Variants in CCDC170 observed in about 807,000 individuals in gnomAD.
CCDC170 encodes the protein coiled-coil domain containing 170.
CCDC170 carries 69 observed loss-of-function variants against 72.6 expected under a neutral mutation model. The observed-to-expected ratio is 0.95, with a 90% CI of 0.78 to 1.16. CCDC170 has a LOEUF of 1.16. Ranked by LOEUF, CCDC170 falls within the 50% of genes most tolerant of loss-of-function variation. The pLI, the probability that CCDC170 is intolerant of heterozygous loss-of-function variation, is 0.00. For missense variants in CCDC170, 852 were observed against 832.5 expected (o/e 1.02, Z -0.29); for synonymous variants, 300 against 303.9 (o/e 0.99, Z 0.13).
chr6:151,576,725 A>AC (rs1351872383), intron 6 of CCDC170, among the ~76,000 whole-genome samples: 1 of 152,162 alleles, frequency 6.6e-6, no homozygotes, highest in East Asian at 1.9e-4. Flanking sequence ...ATCTTCACGT[A>AC]AAATCAGGAG....
Position 151,522,665 on chromosome 6 carries a change from C to T in CCDC170, c.58-13653C>T, listed in dbSNP as rs536412303. On this transcript the variant is annotated intron_variant, in intron 1 of 10. Transcript: ENST00000239374. ...CCTTACCCTCCCTTGTCCAAGTGTG[C>T]GCTCACCATTGCTCCGTCTTTAAGG... Among the ~76,000 whole-genome samples the T allele has an allele frequency of 5.3e-5, 8 of 152,306 alleles. No homozygotes were observed. The East Asian group carries it at 1.3e-3, about 26-fold the overall frequency.
intron 4 of CCDC170, among the ~76,000 whole-genome samples, chr6:151,545,190 C>A (rs1210601636): frequency 1.3e-5 from 2 of 152,070 alleles, no homozygotes; most frequent in Non-Finnish European, 2.9e-5. Flanking sequence ...GAGGCTCAGG[C>A]GGGCAGATCA....
chr6:151,509,193 C>T (rs531306958), intron 1 of CCDC170, among the ~76,000 whole-genome samples: 18 of 151,040 alleles, frequency 1.2e-4, no homozygotes, highest in South Asian at 2.1e-4. Context: ...TCCCCCCTTT[C>T]GCTCTCTCTG....
intron 1 of CCDC170, among the ~76,000 whole-genome samples, 198 bp downstream of exon 1, chr6:151,494,383 G>T (rs1781879196): frequency 6.6e-6 from 1 of 152,210 alleles, no homozygotes; most frequent in Non-Finnish European, 1.5e-5. Context: ...ACCGGAGTTT[G>T]CGGAGCGCGT....
chr6:151,527,822 T>C (rs1297500919), intron 1 of CCDC170, among the ~76,000 whole-genome samples: 1 of 152,096 alleles, frequency 6.6e-6, no homozygotes, highest in Non-Finnish European at 1.5e-5. Context: ...GTAGATTGGT[T>C]ATGGGATAGA....
intron 1 of CCDC170, among the ~76,000 whole-genome samples, chr6:151,536,105 G>A (rs1023051743): frequency 6.6e-6 from 1 of 152,124 alleles, no homozygotes; most frequent in Non-Finnish European, 1.5e-5. Flanking sequence ...TCCTGGAGGA[G>A]CACATCATTT....
chr6:151,531,690 G>T (rs116347685), intron 1 of CCDC170, among the ~76,000 whole-genome samples: 2 of 152,198 alleles, frequency 1.3e-5, no homozygotes, highest in Admixed American at 6.5e-5. Context: ...AGACTGGGTA[G>T]TTTATAAAGG....
chr6:151,553,825 A>G (rs1333044105), intron 5 of CCDC170, among the ~76,000 whole-genome samples: 1 of 152,186 alleles, frequency 6.6e-6, no homozygotes, highest in African/African-American at 2.4e-5. Context: ...TTACTACTTA[A>G]AAATACCATC....
At chr6:151,590,355 ATTTC>A (rs1776515722) in intron 7 of CCDC170, among the ~76,000 whole-genome samples, 1 of 151,930 alleles carries the variant, frequency 6.6e-6, no homozygotes, top group Non-Finnish European at 1.5e-5. Context: ...GTGGATTGGT[ATTTC>A]TTCCCTTCCC....
In CCDC170 at chr6:151,621,015, T is replaced by A. The variant is rs1777053306; in HGVS notation, c.*2868T>A. ...GAATGATCTACAGTGATCTTTAACA[T>A]ACTCAGAAATATGAAAAATGTTTGA... On this transcript the variant is annotated 3_prime_UTR_variant, in exon 11 of 11. Transcript: ENST00000239374. 1 of 152,178 alleles carries A rather than the reference T, an allele frequency of 6.6e-6. No homozygotes were observed. The allele number at this position is 152,178 out of a possible 1,614,324, so 9.4% of individuals were successfully genotyped here. A position where few individuals can be genotyped will look rare whatever the true frequency, so the allele number is the denominator to read the frequency against.
chr6:151,499,703 C>T (rs184510380), intron 1 of CCDC170, among the ~76,000 whole-genome samples: 1 of 150,928 alleles, frequency 6.6e-6, no homozygotes, highest in East Asian at 1.9e-4. Context: ...CTGTATTTGT[C>T]CTTCAATGAC....
At chr6:151,615,389 C>A in intron 9 of CCDC170, 54 bp from the exon 10 acceptor site, 1 of 1,226,440 alleles carries the variant, frequency 8.2e-7, no homozygotes, top group Non-Finnish European at 1.2e-6. Flanking sequence ...CATGTTTATA[C>A]AGTTTTCCTA....
chr6:151,537,775 A>C (rs1332281675), intron 2 of CCDC170, among the ~76,000 whole-genome samples: 1 of 152,240 alleles, frequency 6.6e-6, no homozygotes, highest in Non-Finnish European at 1.5e-5. Context: ...TTTATTGCTT[A>C]TGCAATCAAC....
chr6:151,590,937 A>G (rs186929539), intron 7 of CCDC170, among the ~76,000 whole-genome samples: 1 of 152,346 alleles, frequency 6.6e-6, no homozygotes, highest in African/African-American at 2.4e-5. Flanking sequence ...TAAAAATTCC[A>G]GATAGCTGAT....
chr6:151,591,702 A>G (rs531126402), intron 7 of CCDC170, among the ~76,000 whole-genome samples: 32 of 152,102 alleles, frequency 2.1e-4, no homozygotes, highest in Non-Finnish European at 4.0e-4. Context: ...TCACTGTGTT[A>G]GCCAGCATGG....
intron 1 of CCDC170, among the ~76,000 whole-genome samples, chr6:151,517,899 TTTCTTTACGGCCATTTGC>T (rs1782260151): frequency 2.0e-5 from 3 of 152,156 alleles, no homozygotes; most frequent in African/African-American, 7.2e-5. Flanking sequence ...TCCTTTAATT[TTTCTTTACGGCCATTTGC>T]TTCTTTTTTT....
rs869185539 is a variant in CCDC170, at chr6:151,575,525, C to CTTTTTTTT, written c.1092+2049_1092+2056dup. Reference sequence around the variant, plus strand: ...AAGCACATTTTCTTTTCTTTTCTTTCTTTTTTTTTTTTTTTTTTTTTTGAG... The same window carrying CTTTTTTTT: ...AAGCACATTTTCTTTTCTTTTCTTTCTTTTTTTTTTTTTTTTTTTTTTTTTTTTTTGAG... On this transcript the variant is annotated intron_variant, in intron 6 of 10. Transcript: ENST00000239374. Among the ~76,000 whole-genome samples, 73 of 79,666 alleles carry CTTTTTTTT rather than the reference C, an allele frequency of 9.2e-4. 2 individuals are homozygous for CTTTTTTTT. The highest frequency in any genetic ancestry group is 2.3e-3 in the East Asian group (5 of 2,190). 52.3% of individuals were successfully genotyped at this position (79,666 alleles called of 152,430 possible). A position where few individuals can be genotyped will look rare whatever the true frequency, so the allele number is the denominator to read the frequency against.
At chr6:151,606,058 C>T (rs1409975797) in intron 9 of CCDC170, among the ~76,000 whole-genome samples, 3 of 151,948 alleles carry the variant, frequency 2.0e-5, no homozygotes, top group African/African-American at 4.8e-5. Flanking sequence ...CGTGCCATTA[C>T]GCCTGGCTAA....
At chr6:151,603,747 C>A (rs895749373) in intron 9 of CCDC170, among the ~76,000 whole-genome samples, 4 of 152,174 alleles carry the variant, frequency 2.6e-5, no homozygotes, top group African/African-American at 7.2e-5. Flanking sequence ...GTCCTCAATG[C>A]CATCTTTTAG....
Sources: allele counts gnomAD v4.1 joint callset (sites outside exome capture counted in the v4.1 genomes callset), GRCh38; gene constraint gnomAD v4.1.1; transcripts MANE v1.5; gene names NCBI Gene and HGNC (gene_info 2026-07-23, HGNC 2026-07-21).